The following GARS1 variants were observed in gnomAD, a reference collection of about 807,000 sequenced individuals.
GARS1 encodes the protein glycine--tRNA ligase.
A neutral mutation model predicts 86.4 loss-of-function variants in GARS1; 46 were observed. That is an observed-to-expected ratio of 0.53 (90% CI 0.42 to 0.68). GARS1 has a LOEUF of 0.68. Ranked by LOEUF, GARS1 falls within the 30% of genes least tolerant of loss-of-function variation. GARS1 has a pLI of 0.00. For synonymous variants in GARS1, 342 were observed against 329.8 expected (o/e 1.04, Z -0.40); for missense variants, 797 against 915.6 (o/e 0.87, Z 1.67).
At chr7:30,633,640 G>A in intron 16 of GARS1, 95 bp from the exon 17 acceptor site, 1 of 1,428,104 alleles carries the variant, frequency 7.0e-7, no homozygotes, top group Non-Finnish European at 9.8e-7. Context: ...GACATTGTTT[G>A]GCTCTGTGTA....
chr7:30,626,010 A>C (rs779514892), intron 12 of GARS1, among the ~76,000 whole-genome samples: 2 of 152,214 alleles, frequency 1.3e-5, no homozygotes, highest in Non-Finnish European at 1.5e-5. Context: ...AAACTAGTCA[A>C]AATTTGGTGT....
chr7:30,603,444 G>C, intron 5 of GARS1, 52 bp from the exon 6 acceptor site: 1 of 1,411,388 alleles, frequency 7.1e-7, no homozygotes, highest in Non-Finnish European at 1.0e-6. Flanking sequence ...AAACTGAAAA[G>C]TGCATTGTCC....
Position 30,612,219 on chromosome 7 carries a change from C to G in GARS1, c.1005C>G (p.Ser335=), listed in dbSNP as rs762074407. ...GAAATTCTTTTAGAAATGAGATCTC[C>G]CCTCGATCTGGACTGATCAGAGTCA... is the stretch of plus-strand genomic sequence containing the variant. ...QIGNSFRNEI[S]PRSGLIRVRE... is the part of the protein sequence containing the mutation. Residue 335 remains serine (S), a synonymous_variant, in exon 8 of 17, where the codon TCC becomes TCG. Coordinates refer to ENST00000389266, the MANE Select transcript of GARS1 (RefSeq NM_002047.4). The G allele has an allele frequency of 6.2e-7, 1 of 1,614,076 alleles. No individual in the cohort carries two copies. The highest frequency in any genetic ancestry group is 8.5e-7 in the Non-Finnish European group (1 of 1,180,006).
At chr7:30,601,829 A>G (rs531609283) in intron 4 of GARS1, among the ~76,000 whole-genome samples, 3 of 152,234 alleles carry the variant, frequency 2.0e-5, no homozygotes, top group African/African-American at 7.2e-5. Flanking sequence ...CCCAAGCTGG[A>G]ATGCAGTGGC....
intron 14 of GARS1, 72 bp downstream of exon 14, chr7:30,628,741 C>A: frequency 1.1e-6 from 1 of 917,438 alleles, no homozygotes; most frequent in Non-Finnish European, 1.8e-6. Flanking sequence ...TTGTGAAGTA[C>A]ATTAATAAGA....
Position 30,612,224 on chromosome 7 carries a change from G to A in GARS1, c.1010G>A (p.Arg337Gln), listed in dbSNP as rs1275023981. 4.3e-6 allele frequency: 7 copies of A among 1,614,098 alleles called. No homozygotes were observed. The highest frequency in any genetic ancestry group is 1.1e-5 in the South Asian group (1 of 91,084). The change falls in exon 8 of 17, where the codon CGA (arginine) becomes CAA (glutamine). Residue 337 changes from arginine (R) to glutamine (Q), a missense_variant. Physicochemically the swap from Arg to Gln is conservative, Grantham distance 43. This residue lies in a region of GARS1 where 598 missense variants were observed against 738.7 expected (regional missense o/e 0.81). Coordinates refer to ENST00000389266, the MANE Select transcript of GARS1 (RefSeq NM_002047.4). ...TCTTTTAGAAATGAGATCTCCCCTCGATCTGGACTGATCAGAGTCAGGTAC... is the reference window on the plus strand; with the variant it reads ...TCTTTTAGAAATGAGATCTCCCCTCAATCTGGACTGATCAGAGTCAGGTAC... ...GNSFRNEISP[R>Q]SGLIRVREFT...
chr7:30,631,645 A>T (rs1783237742), intron 15 of GARS1, 104 bp downstream of exon 15: 2 of 787,924 alleles, frequency 2.5e-6, no homozygotes, highest in Admixed American at 3.7e-5. Context: ...TGAATAAAGA[A>T]TATAAATGAT....
chr7:30,600,079 G>T, intron 3 of GARS1, 30 bp downstream of exon 3: 1 of 1,426,564 alleles, frequency 7.0e-7, no homozygotes, highest in Non-Finnish European at 9.9e-7. Flanking sequence ...AAGAACTATT[G>T]TGTTGTTAGT....
At chr7:30,595,385 G>A (rs1791225693) in intron 1 of GARS1, among the ~76,000 whole-genome samples, 1 of 152,104 alleles carries the variant, frequency 6.6e-6, no homozygotes, top group Non-Finnish European at 1.5e-5. Context: ...GAACCCCTCC[G>A]ACTTCCTGCG....
At chr7:30,615,313 C>T (rs575447250) in intron 8 of GARS1, among the ~76,000 whole-genome samples, 1 of 152,310 alleles carries the variant, frequency 6.6e-6, no homozygotes, top group African/African-American at 2.4e-5. Context: ...AGAACCATTT[C>T]ATTTCGCTTT....
chr7:30,625,003 C>T (rs1783098471), intron 12 of GARS1, among the ~76,000 whole-genome samples: 1 of 151,936 alleles, frequency 6.6e-6, no homozygotes, highest in East Asian at 1.9e-4. Flanking sequence ...AGTGCAGTGG[C>T]GTGATCTCAG....
chr7:30,626,708 C>T (rs554238435), intron 13 of GARS1, among the ~76,000 whole-genome samples: 2 of 152,274 alleles, frequency 1.3e-5, no homozygotes, highest in South Asian at 2.1e-4. Flanking sequence ...AGGGGCCGGG[C>T]GTGGTGGCTT....
chr7:30,625,751 C>T (rs1004518582), intron 12 of GARS1, among the ~76,000 whole-genome samples: 1 of 152,256 alleles, frequency 6.6e-6, no homozygotes. Context: ...TCTTCATCAA[C>T]ACAAATGTCC....
chr7:30,602,966 C>T, intron 4 of GARS1, 68 bp from the exon 5 acceptor site: 1 of 1,033,022 alleles, frequency 9.7e-7, no homozygotes, highest in African/African-American at 1.9e-5. Flanking sequence ...GGGGAATTAT[C>T]TTATAAGGTA....
chr7:30,612,189 G>T lies in GARS1; in HGVS notation c.975G>T (p.Gln325His). ...GAAAGTTGCCTTTTGCTGCTGCCCA[G>T]ATTGGAAATTCTTTTAGAAATGAGA... Reference protein sequence around the residue: ...NQGKLPFAAAQIGNSFRNEIS... With the variant: ...NQGKLPFAAAHIGNSFRNEIS... The change falls in exon 8 of 17, where the codon CAG becomes CAT. Residue 325 changes from glutamine (Q) to histidine (H), a missense_variant. Gln to His is a conservative substitution (Grantham distance 24). Coordinates refer to ENST00000389266, the MANE Select transcript of GARS1 (RefSeq NM_002047.4). The T allele has an allele frequency of 1.2e-6, 2 of 1,614,094 alleles. No homozygotes were observed. The highest frequency in any genetic ancestry group is 1.1e-5 in the South Asian group (1 of 91,080).
intron 12 of GARS1, among the ~76,000 whole-genome samples, chr7:30,625,984 C>T (rs988821321): frequency 3.9e-5 from 6 of 152,200 alleles, no homozygotes; most frequent in Non-Finnish European, 8.8e-5. Context: ...CATTAAGTCA[C>T]TTGTGGAGTT....
rs1783254375 is a variant in GARS1 at position 30,632,384 on chromosome 7, C to A, written c.2041C>A (p.Pro681Thr). Residue 681 changes from proline (P) to threonine (T), a missense_variant, in exon 16 of 17, where the codon CCC becomes ACC. Coordinates refer to ENST00000389266, the MANE Select transcript of GARS1 (RefSeq NM_002047.4). This position sits in a 1 kb window ranked among gnomAD's most constrained non-coding sequence, Gnocchi z 4.1. ...TGACTTTGACACAGTGAACAAGACC[C>A]CCCACACTGCAACTCTGAGGGACCG... ...TIDFDTVNKT[P>T]HTATLRDRDS... 6.2e-7 allele frequency: 1 copy of A among 1,613,988 alleles called. No individual in the cohort carries two copies. The highest frequency in any genetic ancestry group is 1.3e-5 in the African/African-American group (1 of 74,900).
At chr7:30,627,659 C>T (rs1378508063) in intron 13 of GARS1, among the ~76,000 whole-genome samples, 1 of 152,202 alleles carries the variant, frequency 6.6e-6, no homozygotes, top group Non-Finnish European at 1.5e-5. Context: ...TGTAAGATGT[C>T]TTTGATGGAG....
chr7:30,602,157 C>A (rs541456702), intron 4 of GARS1, among the ~76,000 whole-genome samples: 1 of 152,064 alleles, frequency 6.6e-6, no homozygotes, highest in South Asian at 2.1e-4. Flanking sequence ...GGGGCGATCT[C>A]TGCTCACTGC....
Sources: allele counts gnomAD v4.1 joint callset (sites outside exome capture counted in the v4.1 genomes callset), GRCh38; gene constraint gnomAD v4.1.1; regional missense constraint gnomAD v4.1.1; non-coding constraint Gnocchi (gnomAD v3.1); transcripts MANE v1.5; gene names NCBI Gene and HGNC (gene_info 2026-07-23, HGNC 2026-07-21).